Variants in PHYH observed in about 807,000 individuals in gnomAD.
PHYH encodes phytanoyl-CoA dioxygenase, peroxisomal.
In PHYH, 32 loss-of-function variants were observed where a neutral mutation model predicts 38.5. The observed-to-expected ratio is 0.83, with a 90% CI of 0.63 to 1.12. The LOEUF (loss-of-function observed/expected upper bound fraction) is 1.12, where lower values mean the gene tolerates loss of function less well. PHYH is among the 50% of genes most tolerant of loss of function. The pLI is 0.00. For missense variants in PHYH, 426 were observed against 434.8 expected (o/e 0.98, Z 0.18); for synonymous variants, 166 against 157.9 (o/e 1.05, Z -0.38).
intron 4 of PHYH, among the ~76,000 whole-genome samples, chr10:13,292,588 C>T (rs1474624585): frequency 6.6e-6 from 1 of 152,104 alleles, no homozygotes; most frequent in Non-Finnish European, 1.5e-5. Flanking sequence ...AGCTGGGCTG[C>T]CGCTACCTTG....
Position 13,288,422 on chromosome 10 carries a change from G to C in PHYH, c.616C>G (p.Leu206Val). ...MEHISRNNGC[L>V]VVLPGTHKGS... The stretch of plus-strand genomic sequence containing the variant: ...TTGTGTGTGCCTGGGAGCACAACCA[G>C]ACAGCCGTTGTTCCGGCTGATGTGC... Residue 206 changes from leucine to valine, a missense_variant, in exon 6 of 9, where the codon CTG (leucine) becomes GTG (valine). Leu to Val is a conservative substitution (Grantham distance 32, BLOSUM62 1). Coordinates refer to ENST00000263038, the MANE Select transcript of PHYH (RefSeq NM_006214.4). 1.9e-6 allele frequency: 3 copies of C among 1,614,186 alleles called. No homozygotes were observed. Among genetic ancestry groups the C allele is most frequent in the Non-Finnish European group, 2.5e-6 (3 of 1,180,030 alleles).
intron 7 of PHYH, among the ~76,000 whole-genome samples, chr10:13,283,044 C>G (rs186117281): frequency 6.6e-6 from 1 of 151,908 alleles, no homozygotes; most frequent in Admixed American, 6.6e-5. Context: ...TGGTCTAGAG[C>G]TCTTGGTCCC....
At chr10:13,285,269 C>T (rs1282191720) in intron 6 of PHYH, among the ~76,000 whole-genome samples, 1 of 151,796 alleles carries the variant, frequency 6.6e-6, no homozygotes, top group Non-Finnish European at 1.5e-5. Context: ...CTGCAACCTC[C>T]ATCTCCCAGG....
chr10:13,294,393 A>G, intron 4 of PHYH, 35 bp downstream of exon 4: 1 of 1,606,664 alleles, frequency 6.2e-7, no homozygotes, highest in Non-Finnish European at 8.5e-7. Flanking sequence ...ACACACTGGC[A>G]ATTAAGCCGA....
intron 8 of PHYH, among the ~76,000 whole-genome samples, chr10:13,280,253 C>T (rs1835381314): frequency 6.6e-6 from 1 of 152,148 alleles, no homozygotes; most frequent in African/African-American, 2.4e-5. Flanking sequence ...AGGCGTGAGC[C>T]ACCTCGCCCA....
At chr10:13,294,744 G>T in intron 3 of PHYH, 148 bp from the exon 4 acceptor site, 2 of 690,482 alleles carry the variant, frequency 2.9e-6, no homozygotes, top group East Asian at 5.4e-5. Context: ...TCCAATGAAA[G>T]GGAGGAGAAA....
At chr10:13,282,602 AAAAAAG>A (rs1159387437) in intron 7 of PHYH, among the ~76,000 whole-genome samples, 18 of 148,888 alleles carry the variant, frequency 1.2e-4, no homozygotes, top group African/African-American at 3.0e-4. Context: ...AAAAAAAAAA[AAAAAAG>A]AAAAAAGGAA....
rs866864758 is a variant in PHYH, at chr10:13,285,667, C to T, written c.679-1828G>A. Among the ~76,000 whole-genome samples the T allele has an allele frequency of 2.6e-4, 38 of 148,500 alleles. No homozygotes were observed. In the South Asian group the frequency reaches 4.3e-3, roughly 17 times the overall value. Reference sequence around the variant, plus strand: ...TTGCCCAGGCTGGAATGCAGTGGCGCGATCTCAGCTCACTGCAAACTCCAC... The same window carrying T: ...TTGCCCAGGCTGGAATGCAGTGGCGTGATCTCAGCTCACTGCAAACTCCAC... On this transcript the variant is annotated intron_variant, in intron 6 of 8. Transcript: ENST00000263038.
rs147829716 is a variant in PHYH, at chr10:13,288,831, G to C, written c.497-290C>G. Among the ~76,000 whole-genome samples, 90 of 150,374 alleles carry C rather than the reference G, an allele frequency of 6.0e-4. No individual in the cohort carries two copies. The East Asian group carries it at 0.011, about 18-fold the overall frequency. ...AGGCTGAGGTGGGAGGATCACCTGA[G>C]CCTGGAGGTCGAGGCTGCAGTGAGC... On this transcript the variant is annotated intron_variant, in intron 5 of 8. Coordinates refer to ENST00000263038, the MANE Select transcript of PHYH (RefSeq NM_006214.4).
At chr10:13,299,751 C>A (rs1832698075) in intron 1 of PHYH, 2 of 1,310,754 alleles carry the variant, frequency 1.5e-6, no homozygotes. Flanking sequence ...TTGCCCCGAC[C>A]CCAGGGCGGC....
At chr10:13,285,087 G>A (rs769022435) in intron 6 of PHYH, among the ~76,000 whole-genome samples, 2 of 152,114 alleles carry the variant, frequency 1.3e-5, no homozygotes, top group Non-Finnish European at 2.9e-5. Context: ...TCACTGATGA[G>A]TTTCACATTA....
intron 1 of PHYH, chr10:13,299,297 C>G: frequency 4.1e-6 from 1 of 243,374 alleles, no homozygotes. Flanking sequence ...CTTTCTTTCT[C>G]TCTGTTTCTC....
chr10:13,291,540 G>C (rs895170935), intron 5 of PHYH: 7 of 430,864 alleles, frequency 1.6e-5, no homozygotes, highest in Non-Finnish European at 2.1e-5. Flanking sequence ...TGGAGAGCAT[G>C]CCATTATAGG....
At chr10:13,278,528 C>G (rs999154165) in intron 8 of PHYH, among the ~76,000 whole-genome samples, 174 bp from the exon 9 acceptor site, 7 of 152,026 alleles carry the variant, frequency 4.6e-5, no homozygotes, top group African/African-American at 1.7e-4. Flanking sequence ...ACTTAAACTA[C>G]TTACTCAACT....
rs116142989 is a variant in PHYH, at chr10:13,287,135, T to G, written c.678+1225A>C. ...GTGGGCGGATCACGAGTTAAAGAGATCAGGACCATCCTGGCCAACATAGTG... is the reference window on the plus strand; with the variant it reads ...GTGGGCGGATCACGAGTTAAAGAGAGCAGGACCATCCTGGCCAACATAGTG... On this transcript the variant is annotated intron_variant, in intron 6 of 8. Transcript: ENST00000263038. Among the ~76,000 whole-genome samples the G allele has an allele frequency of 5.6e-3, 853 of 152,178 alleles. 14 individuals are homozygous for G. Among genetic ancestry groups the G allele is most frequent in the African/African-American group, 0.019 (787 of 41,514 alleles).
chr10:13,288,355 C>A lies in PHYH; in HGVS notation c.678+5G>T, dbSNP rs201499815. 1,576 of 1,613,450 alleles carry A rather than the reference C, an allele frequency of 9.8e-4. 5 individuals carry two copies. Among genetic ancestry groups the A allele is most frequent in the South Asian group, 4.5e-3 (412 of 91,044 alleles). On this transcript the variant is annotated splice_donor_5th_base_variant and intron_variant, in intron 6 of 8. Coordinates refer to ENST00000263038, the MANE Select transcript of PHYH (RefSeq NM_006214.4). ...GATCAAGACTCAGCCGCCGGGCAGA[C>A]CTACCTCCCACTTGGGGTAATCGTG...
Position 13,278,130 on chromosome 10 carries a change from G to A in PHYH, c.*171C>T, listed in dbSNP as rs745810001. On this transcript the variant is annotated 3_prime_UTR_variant, in exon 9 of 9. Transcript: ENST00000263038. ...TTTACTGTTTTTTTTTTCCATTAAA[G>A]CAACACCATTGTGCTGCAAAACTAA... The A allele has an allele frequency of 5.0e-5, 31 of 620,420 alleles. No homozygotes were observed. The highest frequency in any genetic ancestry group is 7.5e-5 in the African/African-American group (4 of 53,680). The allele number at this position is 620,420 out of a possible 1,614,324, so 38.4% of individuals were successfully genotyped here. A position where few individuals can be genotyped will look rare whatever the true frequency, so the allele number is the denominator to read the frequency against.
chr10:13,282,939 G>A (rs993397475), intron 7 of PHYH, among the ~76,000 whole-genome samples: 3 of 151,824 alleles, frequency 2.0e-5, no homozygotes, highest in Admixed American at 2.0e-4. Flanking sequence ...ATGAATGAAT[G>A]GAAGACGAAA....
In PHYH at chr10:13,298,180, T is replaced by G. The variant is rs1410208764; in HGVS notation, c.134+7A>C. On this transcript the variant is annotated splice_region_variant and intron_variant, in intron 2 of 8. Transcript: ENST00000263038. ...TATATTTCAAAATCAAAACTCAAAC[T>G]ACTTACTGGAATTGTTGAGGATGGA... 1 of 1,575,624 alleles carries G rather than the reference T, an allele frequency of 6.3e-7. No individual in the cohort carries two copies. The highest frequency in any genetic ancestry group is 1.7e-5 in the Admixed American group (1 of 59,952).
Sources: gnomAD v4.1 joint callset for allele counts (sites outside exome capture counted in the v4.1 genomes callset) on GRCh38, gnomAD v4.1.1 for gene constraint, MANE v1.5 for transcripts, NCBI Gene and HGNC (gene_info 2026-07-23, HGNC 2026-07-21) for gene names.